The following NAV3 variants were observed in gnomAD, a reference collection of about 807,000 sequenced individuals.
NAV3 encodes the protein pore membrane and/or filament interacting like protein 1.
Under a neutral mutation model 244.7 loss-of-function variants are expected in NAV3, and 87 were observed. That is an observed-to-expected ratio of 0.36 (90% CI 0.30 to 0.42). The LOEUF is 0.42. NAV3 is among the 20% of genes least tolerant of loss of function. NAV3 has a pLI of 1.00. For synonymous variants in NAV3, 1,126 were observed against 1,042.2 expected, an observed-to-expected ratio of 1.08 and a Z score of -1.55; for missense variants, 2,663 against 2,893.3, an observed-to-expected ratio of 0.92 and a Z score of 1.83.
At chr12:77,592,117 C>T (rs1301842147) in intron 2 of NAV3, among the ~76,000 whole-genome samples, 2 of 152,136 alleles carry the variant, frequency 1.3e-5, no homozygotes, top group African/African-American at 4.8e-5. Context: ...CATTCGGCTT[C>T]CCTCCCAGGT....
At chr12:78,095,796 G>A (rs1464189327) in intron 12 of NAV3, among the ~76,000 whole-genome samples, 1 of 152,140 alleles carries the variant, frequency 6.6e-6, no homozygotes, top group Non-Finnish European at 1.5e-5. Flanking sequence ...TTCCATGATA[G>A]TACTCAGAAT....
intron 1 of NAV3, among the ~76,000 whole-genome samples, chr12:77,848,803 A>G (rs956212701): frequency 4.6e-5 from 7 of 152,190 alleles, no homozygotes; most frequent in Non-Finnish European, 1.0e-4. Context: ...AATGATTTAA[A>G]TTTCATGATT....
intron 2 of NAV3, among the ~76,000 whole-genome samples, chr12:77,689,341 T>C (rs1340203043): frequency 6.6e-6 from 1 of 151,916 alleles, no homozygotes; most frequent in Non-Finnish European, 1.5e-5. Flanking sequence ...GATTCCATTT[T>C]AGAACATATC....
At position 77,657,245 on chromosome 12, in the gene NAV3, C is replaced by A. The variant is rs568265373; in HGVS notation, c.72+84979C>A. 3.4e-3 allele frequency among the ~76,000 whole-genome samples: 522 copies of A among 152,156 alleles called. 3 individuals are homozygous for A. Among genetic ancestry groups the A allele is most frequent in the African/African-American group, 0.012 (488 of 41,534 alleles). ...AAAGAAAAAAAGAGAGAAGAATCAACTAGACGCAATAAAAAATGCTAAAGG... is the reference window on the plus strand; with the variant it reads ...AAAGAAAAAAAGAGAGAAGAATCAAATAGACGCAATAAAAAATGCTAAAGG... On this transcript the variant is annotated intron_variant, in intron 2 of 8. Transcript: ENST00000550042.
chr12:77,603,877 C>T (rs1288675765), intron 2 of NAV3, among the ~76,000 whole-genome samples: 1 of 151,916 alleles, frequency 6.6e-6, no homozygotes, highest in African/African-American at 2.4e-5. Flanking sequence ...TATGTAATGA[C>T]GAAGTCCTCA....
At chr12:77,711,871 T>C (rs1235496529) in intron 2 of NAV3, among the ~76,000 whole-genome samples, 4 of 152,200 alleles carry the variant, frequency 2.6e-5, no homozygotes, top group Non-Finnish European at 5.9e-5. Flanking sequence ...TCTTCCTGCA[T>C]CCTATTTGTG....
At chr12:77,668,467 C>A (rs1873818780) in intron 2 of NAV3, among the ~76,000 whole-genome samples, 1 of 152,056 alleles carries the variant, frequency 6.6e-6, no homozygotes, top group South Asian at 2.1e-4. Context: ...AAATCAAGGA[C>A]ACACTTAGAG....
intron 2 of NAV3, among the ~76,000 whole-genome samples, chr12:77,823,709 T>C (rs902856948): frequency 3.9e-5 from 6 of 152,144 alleles, no homozygotes; most frequent in African/African-American, 1.4e-4. Flanking sequence ...ATGTCTACCA[T>C]CTAGTAAAAT....
At chr12:77,634,574 C>A (rs1308653575) in intron 2 of NAV3, among the ~76,000 whole-genome samples, 1 of 152,042 alleles carries the variant, frequency 6.6e-6, no homozygotes, top group Non-Finnish European at 1.5e-5. Flanking sequence ...TAGCATCTTG[C>A]AAGAACATTT....
intron 25 of NAV3, 83 bp downstream of exon 25, chr12:78,175,510 G>T (rs896572081): frequency 3.2e-5 from 49 of 1,521,184 alleles, no homozygotes; most frequent in Admixed American, 1.1e-4. Context: ...TTAGTGATCT[G>T]CAGTAGTTTA....
At chr12:77,886,844 C>G (rs1163304399) in intron 1 of NAV3, among the ~76,000 whole-genome samples, 4 of 152,010 alleles carry the variant, frequency 2.6e-5, no homozygotes, top group African/African-American at 9.7e-5. Context: ...GTTTATACCC[C>G]TCGATTTTAA....
chr12:77,590,316 T>A (rs1869848909), intron 2 of NAV3, among the ~76,000 whole-genome samples: 1 of 152,162 alleles, frequency 6.6e-6, no homozygotes, highest in African/African-American at 2.4e-5. Context: ...TCCGATAAAG[T>A]GAGATGGCTT....
chr12:78,099,532 A>G (rs1954432574), intron 12 of NAV3, among the ~76,000 whole-genome samples: 2 of 151,858 alleles, frequency 1.3e-5, no homozygotes, highest in Non-Finnish European at 1.5e-5. Context: ...TGGTTTTTAA[A>G]TTTATATAAG....
Position 78,148,882 on chromosome 12 carries a change from A to G in NAV3, c.4748A>G (p.Glu1583Gly). The G allele has an allele frequency of 6.2e-7, 1 of 1,612,800 alleles. No homozygotes were observed. Among genetic ancestry groups the G allele is most frequent in the Non-Finnish European group, 8.5e-7 (1 of 1,179,238 alleles). Residue 1583 changes from glutamate to glycine, a missense_variant, in exon 22 of 40, where the codon GAA becomes GGA. Physicochemically the swap from Glu to Gly is moderately conservative, Grantham distance 98. Coordinates refer to ENST00000397909, the MANE Select transcript of NAV3 (RefSeq NM_001024383.2). ...CGGAGAGAGCTGGTTGCATCACAAGAAAAAGTTGCTACCCTCACATCTCAG... is the reference window on the plus strand; with the variant it reads ...CGGAGAGAGCTGGTTGCATCACAAGGAAAAGTTGCTACCCTCACATCTCAG... ...KLRRELVASQ[E>G]KVATLTSQLS... is the part of the protein sequence containing the mutation.
intron 12 of NAV3, among the ~76,000 whole-genome samples, chr12:78,067,625 T>C (rs1265926002): frequency 1.3e-5 from 2 of 152,056 alleles, no homozygotes; most frequent in East Asian, 3.9e-4. Flanking sequence ...ATCACTGTGC[T>C]CAATCCTGGG....
At chr12:77,611,422 A>G (rs1411220143) in intron 2 of NAV3, among the ~76,000 whole-genome samples, 1 of 152,000 alleles carries the variant, frequency 6.6e-6, no homozygotes, top group Non-Finnish European at 1.5e-5. Context: ...ATATTGATAC[A>G]TTAAATGTAA....
chr12:77,733,834 ATTTTTTTTTT>A (rs56770236), intron 2 of NAV3, among the ~76,000 whole-genome samples: 1 of 124,190 alleles, frequency 8.1e-6, no homozygotes, highest in African/African-American at 3.1e-5. Context: ...CTTGGTTTAG[ATTTTTTTTTT>A]TTTTTTTTTT....
At chr12:78,165,462 A>G (rs2139501962) in intron 23 of NAV3, among the ~76,000 whole-genome samples, 1 of 152,082 alleles carries the variant, frequency 6.6e-6, no homozygotes, top group African/African-American at 2.4e-5. Flanking sequence ...AAACTTGAGT[A>G]TCTTCTATGT....
intron 12 of NAV3, among the ~76,000 whole-genome samples, chr12:78,104,705 T>C (rs984957748): frequency 2.6e-5 from 4 of 152,202 alleles, no homozygotes; most frequent in Non-Finnish European, 5.9e-5. Flanking sequence ...TTTGTTTTAT[T>C]ATTGTTCAGT....
Sources: allele counts gnomAD v4.1 joint callset (sites outside exome capture counted in the v4.1 genomes callset), GRCh38; gene constraint gnomAD v4.1.1; transcripts MANE v1.5; gene names NCBI Gene and HGNC (gene_info 2026-07-23, HGNC 2026-07-21).